Variants in TBC1D32 observed in about 807,000 individuals in gnomAD.
TBC1D32 encodes the protein protein broad-minded.
Under a neutral mutation model 170.3 loss-of-function variants are expected in TBC1D32, and 151 were observed. The observed-to-expected ratio is 0.89, with a 90% CI of 0.78 to 1.01. The LOEUF is 1.01. Among genes scored for constraint, TBC1D32 ranks in the 50% least tolerant of loss-of-function variants. The probability of loss-of-function intolerance (pLI) is 0.00; values close to 1 mark genes in which losing one functional copy is unlikely to be tolerated. For synonymous variants in TBC1D32, 498 were observed against 488.0 expected, an observed-to-expected ratio of 1.02 and a Z score of -0.27; for missense variants, 1,464 against 1,457.1, an observed-to-expected ratio of 1.00 and a Z score of -0.08.
intron 21 of TBC1D32, among the ~76,000 whole-genome samples, chr6:121,216,518 T>C (rs1471577856): frequency 6.6e-6 from 1 of 152,202 alleles, no homozygotes; most frequent in Admixed American, 6.5e-5. Flanking sequence ...TTGGGGTTTC[T>C]GGAGGACTCT....
chr6:121,247,868 T>C (rs928456565), intron 17 of TBC1D32, among the ~76,000 whole-genome samples: 1 of 151,810 alleles, frequency 6.6e-6, no homozygotes, highest in African/African-American at 2.4e-5. Context: ...CACAGGAATA[T>C]TGGGAGACTT....
At chr6:121,224,540 A>C (rs1476254713) in intron 20 of TBC1D32, 1 of 152,174 alleles carries the variant, frequency 6.6e-6, no homozygotes, top group Non-Finnish European at 1.5e-5. Context: ...AGCTCAAGTG[A>C]AGTGGCTTGG....
At chr6:121,150,751 A>G (rs1016383213) in intron 24 of TBC1D32, among the ~76,000 whole-genome samples, 1 of 152,176 alleles carries the variant, frequency 6.6e-6, no homozygotes, top group Admixed American at 6.5e-5. Context: ...TGTGTCCAAG[A>G]ATTTATCAAT....
At chr6:121,263,036 A>AC (rs979686815) in intron 15 of TBC1D32, among the ~76,000 whole-genome samples, 3 of 152,102 alleles carry the variant, frequency 2.0e-5, no homozygotes, top group African/African-American at 7.2e-5. Flanking sequence ...GTGCAAAATA[A>AC]CCAGCTGGCA....
chr6:121,158,178 A>G (rs926482434), intron 24 of TBC1D32, among the ~76,000 whole-genome samples: 1 of 152,106 alleles, frequency 6.6e-6, no homozygotes, highest in Admixed American at 6.6e-5. Context: ...ATTTCTTGGA[A>G]GTTTTGTCAC....
chr6:121,222,953 TA>T (rs1189282455), intron 21 of TBC1D32, among the ~76,000 whole-genome samples: 2 of 152,182 alleles, frequency 1.3e-5, no homozygotes, highest in African/African-American at 2.4e-5. Context: ...ATGAGTCATC[TA>T]AAAATCACTC....
chr6:121,238,347 A>G (rs746099107), intron 20 of TBC1D32, among the ~76,000 whole-genome samples: 23 of 152,130 alleles, frequency 1.5e-4, no homozygotes, highest in Non-Finnish European at 2.6e-4. Context: ...GGTCATTTCA[A>G]TGCTTTTAGC....
At chr6:121,308,181 T>C (rs1807619294) in intron 4 of TBC1D32, 80 bp from the exon 5 acceptor site, 1 of 1,322,518 alleles carries the variant, frequency 7.6e-7, no homozygotes, top group Non-Finnish European at 1.1e-6. Flanking sequence ...TTTAACAAAC[T>C]ACTAAAAGGT....
Position 121,212,444 on chromosome 6 carries a change from AT to A in TBC1D32, c.2482-7282del, listed in dbSNP as rs1562928686. 4.3e-4 allele frequency among the ~76,000 whole-genome samples: 62 copies of A among 144,038 alleles called. No individual in the cohort carries two copies. In the South Asian group the frequency reaches 0.012, roughly 28 times the overall value. 94.5% of individuals were successfully genotyped at this position (144,038 alleles called of 152,430 possible). A position where few individuals can be genotyped will look rare whatever the true frequency, so the allele number is the denominator to read the frequency against. ...ACACAACAAAAAAAACTTCAGGTCA[AT>A]ATCTCTTTTTTTTTTTTTTTTTTTT... On this transcript the variant is annotated intron_variant, in intron 21 of 31. Transcript: ENST00000398212.
intron 17 of TBC1D32, among the ~76,000 whole-genome samples, chr6:121,249,489 T>A (rs184425952): frequency 4.0e-5 from 6 of 151,846 alleles, no homozygotes; most frequent in Admixed American, 2.6e-4. Context: ...GAAAAAGAAA[T>A]AAAGGGCATC....
intron 20 of TBC1D32, among the ~76,000 whole-genome samples, chr6:121,234,185 T>C (rs183336315): frequency 4.4e-4 from 67 of 152,334 alleles, no homozygotes; most frequent in African/African-American, 1.4e-3. Flanking sequence ...GATGACCATA[T>C]GCCTAGGCAA....
intron 12 of TBC1D32, among the ~76,000 whole-genome samples, chr6:121,289,104 T>C (rs1045412182): frequency 1.3e-4 from 20 of 152,194 alleles, no homozygotes; most frequent in Non-Finnish European, 2.9e-5. Context: ...AAGACAAGGA[T>C]GCCCTCTCTC....
intron 9 of TBC1D32, among the ~76,000 whole-genome samples, chr6:121,302,056 TTAA>T (rs1198478246): frequency 6.6e-6 from 1 of 152,222 alleles, no homozygotes; most frequent in Non-Finnish European, 1.5e-5. Flanking sequence ...TTTTTCCAAC[TTAA>T]TAATAAGAGA....
intron 22 of TBC1D32, among the ~76,000 whole-genome samples, chr6:121,197,673 T>C (rs1273274404): frequency 2.0e-5 from 3 of 152,188 alleles, no homozygotes; most frequent in Non-Finnish European, 4.4e-5. Context: ...CTGTATTATG[T>C]TAGGCGTAAT....
chr6:121,286,900 C>T (rs999746730), intron 12 of TBC1D32, among the ~76,000 whole-genome samples: 3 of 152,134 alleles, frequency 2.0e-5, no homozygotes, highest in Non-Finnish European at 4.4e-5. Context: ...TCCAGCCAAA[C>T]TAAGCTTCAA....
At chr6:121,110,280 A>AT (rs547346344) in intron 29 of TBC1D32, among the ~76,000 whole-genome samples, 2,104 of 149,722 alleles carry the variant, frequency 0.014, 12 homozygotes, top group Middle Eastern at 0.031. Flanking sequence ...ATATATATAT[A>AT]AAAATATATA....
chr6:121,243,974 C>T (rs947826998), intron 17 of TBC1D32, among the ~76,000 whole-genome samples: 2 of 151,952 alleles, frequency 1.3e-5, no homozygotes, highest in Admixed American at 6.6e-5. Flanking sequence ...AAACCCCTTC[C>T]ACTTACTTTC....
intron 16 of TBC1D32, 75 bp downstream of exon 16, chr6:121,256,009 G>T: frequency 7.7e-7 from 1 of 1,293,682 alleles, no homozygotes; most frequent in Non-Finnish European, 1.1e-6. Context: ...TTCATCCAAA[G>T]TACAACACTA....
chr6:121,321,800 AC>A lies in TBC1D32; in HGVS notation c.156-7del. On this transcript the variant is annotated splice_polypyrimidine_tract_variant and splice_region_variant and intron_variant, in intron 1 of 31. Coordinates refer to ENST00000398212, the MANE Select transcript of TBC1D32 (RefSeq NM_152730.6). ...GGTATTTCACAAATTCATAGCTGAA[AC>A]AAATATTTAGAAAATAAATGCGGTA... 6.2e-7 allele frequency: 1 copy of A among 1,603,374 alleles called. No homozygotes were observed. Among genetic ancestry groups the A allele is most frequent in the Non-Finnish European group, 8.5e-7 (1 of 1,176,062 alleles).
Sources: gnomAD v4.1 joint callset for allele counts (sites outside exome capture counted in the v4.1 genomes callset) on GRCh38, gnomAD v4.1.1 for gene constraint, MANE v1.5 for transcripts, NCBI Gene and HGNC (gene_info 2026-07-23, HGNC 2026-07-21) for gene names.